The following PRAG1 variants were observed in gnomAD, a reference collection of about 807,000 sequenced individuals.
The protein encoded by PRAG1 is PEAK1 related, kinase-activating pseudokinase 1.
Under a neutral mutation model 95.6 loss-of-function variants are expected in PRAG1, and 110 were observed. The observed-to-expected ratio is 1.15, with a 90% CI of 0.99 to 1.35. The LOEUF is 1.35. PRAG1 is among the 40% of genes most tolerant of loss of function. The pLI, the probability that PRAG1 is intolerant of heterozygous loss-of-function variation, is 0.00. For missense variants in PRAG1, 2,554 were observed against 1,864.7 expected (o/e 1.37, Z -6.81); for synonymous variants, 1,052 against 819.4 (o/e 1.28, Z -4.85).
Position 8,386,417 on chromosome 8 carries a change from C to T in PRAG1, c.-184G>A, listed in dbSNP as rs10216498. The T allele has an allele frequency of 0.38, 57,891 of 151,744 alleles. 11,420 individuals are homozygous for T. Among genetic ancestry groups the T allele is most frequent in the East Asian group, 0.56 (2,875 of 5,126 alleles). The allele number at this position is 151,744 out of a possible 1,614,324, so 9.4% of individuals were successfully genotyped here. On this transcript the variant is annotated 5_prime_UTR_variant, in exon 1 of 6. Transcript: ENST00000615670. ...CAGAAGGTCTGCGCGCGGTGCGTGCCCGGCCGCGGGCGGGTGGCTTCTGCC... is the reference window on the plus strand; with the variant it reads ...CAGAAGGTCTGCGCGCGGTGCGTGCTCGGCCGCGGGCGGGTGGCTTCTGCC...
intron 3 of PRAG1, among the ~76,000 whole-genome samples, chr8:8,348,832 C>G (rs1799428341): frequency 6.6e-6 from 1 of 152,254 alleles, no homozygotes; most frequent in South Asian, 2.1e-4. Context: ...GTGAAATAGG[C>G]TTGTAACCGT....
chr8:8,321,852 A>T (rs1202036263), intron 5 of PRAG1, among the ~76,000 whole-genome samples: 1 of 152,222 alleles, frequency 6.6e-6, no homozygotes, highest in Non-Finnish European at 1.5e-5. Context: ...ATAAACACTG[A>T]ATTAGTGAAT....
At chr8:8,375,204 G>GT (rs746109244) in intron 3 of PRAG1, among the ~76,000 whole-genome samples, 2,245 of 94,372 alleles carry the variant, frequency 0.024, 36 homozygotes, top group African/African-American at 0.092. Flanking sequence ...TTTTTTCTTT[G>GT]TTTTTTTTTT....
Position 8,381,755 on chromosome 8 carries a change from C to A in PRAG1, c.-8G>T. On this transcript the variant is annotated 5_prime_UTR_variant, in exon 2 of 6. Transcript: ENST00000615670. The stretch of plus-strand genomic sequence containing the variant: ...GCAGAGGGTCTGGTGCATCTTGAGC[C>A]GACAGGGTGCTGGTTCATCTTGCGC... 1 of 1,565,480 alleles carries A rather than the reference C, an allele frequency of 6.4e-7. No individual in the cohort carries two copies. The highest frequency in any genetic ancestry group is 1.2e-5 in the South Asian group (1 of 83,796).
At chr8:8,370,472 A>G (rs577340778) in intron 3 of PRAG1, among the ~76,000 whole-genome samples, 5 of 152,344 alleles carry the variant, frequency 3.3e-5, no homozygotes, top group African/African-American at 7.2e-5. Flanking sequence ...AAGATTCTCT[A>G]AATACAGTGC....
At chr8:8,359,036 A>G (rs1799768452) in intron 3 of PRAG1, among the ~76,000 whole-genome samples, 1 of 152,252 alleles carries the variant, frequency 6.6e-6, no homozygotes, top group African/African-American at 2.4e-5. Flanking sequence ...ATCCTTTTAC[A>G]CTTAATGACT....
chr8:8,357,423 T>C, intron 3 of PRAG1, among the ~76,000 whole-genome samples: 1 of 152,122 alleles, frequency 6.6e-6, no homozygotes, highest in East Asian at 1.9e-4. Flanking sequence ...CAAGGGCCAG[T>C]AAGCACATAA....
At chr8:8,339,733 G>A (rs6998115) in intron 3 of PRAG1, 98 bp from the exon 4 acceptor site, 25 of 1,188,060 alleles carry the variant, frequency 2.1e-5, no homozygotes, top group African/African-American at 3.1e-5. Flanking sequence ...TTGAAACCTG[G>A]CCAATGTCAG....
intron 3 of PRAG1, among the ~76,000 whole-genome samples, chr8:8,346,906 G>A (rs1207975464): frequency 6.6e-6 from 1 of 152,150 alleles, no homozygotes; most frequent in African/African-American, 2.4e-5. Context: ...TGCAGTTTCA[G>A]ACTGGCTCTC....
chr8:8,377,660 C>T lies in PRAG1; in HGVS notation c.749G>A (p.Gly250Asp), dbSNP rs370874396. ...GTCCAGGATGGAGCAGTACTCTCCA[C>T]CCTCGCTGTCCCCGGAGGGCGAGCA... ...QRCSPSGDSE[G>D]GEYCSILDCC... The change falls in exon 3 of 6, where the codon GGT becomes GAT. Residue 250 changes from glycine to aspartate, a missense_variant. Gly to Asp is a moderately conservative substitution (Grantham distance 94). Coordinates refer to ENST00000615670, the MANE Select transcript of PRAG1 (RefSeq NM_001080826.3). 6 of 1,613,690 alleles carry T rather than the reference C, an allele frequency of 3.7e-6. No individual in the cohort carries two copies. Among genetic ancestry groups the T allele is most frequent in the African/African-American group, 1.3e-5 (1 of 74,936 alleles).
chr8:8,376,174 A>C lies in PRAG1; in HGVS notation c.2162+73T>G. 2.6e-6 allele frequency: 4 copies of C among 1,527,214 alleles called. No individual in the cohort carries two copies. In the South Asian group the frequency reaches 5.2e-5, roughly 20 times the overall value. The allele number at this position is 1,527,214 out of a possible 1,614,324, so 94.6% of individuals were successfully genotyped here. On this transcript the variant is annotated intron_variant, in intron 3 of 5. Coordinates refer to ENST00000615670, the MANE Select transcript of PRAG1 (RefSeq NM_001080826.3). Reference sequence around the variant, plus strand: ...CTGGGACCTGGGCCTGAAAGCTTTGATGAGGGCAAAGGTTTCTTCTGGAAG... The same window carrying C: ...CTGGGACCTGGGCCTGAAAGCTTTGCTGAGGGCAAAGGTTTCTTCTGGAAG...
At chr8:8,323,693 T>C (rs58525491) in intron 5 of PRAG1, among the ~76,000 whole-genome samples, 10,662 of 152,034 alleles carry the variant, frequency 0.07, 638 homozygotes, top group African/African-American at 0.16. Flanking sequence ...GCTTCCCCTT[T>C]CACCATGATT....
chr8:8,371,062 G>A (rs1800180285), intron 3 of PRAG1, among the ~76,000 whole-genome samples: 1 of 150,624 alleles, frequency 6.6e-6, no homozygotes, highest in African/African-American at 2.4e-5. Flanking sequence ...CTTGAACCCG[G>A]GAGGCGGAGG....
chr8:8,359,305 A>G (rs974169345), intron 3 of PRAG1, among the ~76,000 whole-genome samples: 1 of 152,234 alleles, frequency 6.6e-6, no homozygotes, highest in Non-Finnish European at 1.5e-5. Flanking sequence ...GATGGGTTTT[A>G]GTAAGAGTTG....
At chr8:8,336,879 T>TC (rs1798998957) in intron 4 of PRAG1, among the ~76,000 whole-genome samples, 1 of 138,792 alleles carries the variant, frequency 7.2e-6, no homozygotes, top group African/African-American at 2.8e-5. Context: ...AACTAAAACC[T>TC]TCCCCCCACT....
At chr8:8,326,414 C>T (rs1798639551) in intron 5 of PRAG1, among the ~76,000 whole-genome samples, 1 of 152,042 alleles carries the variant, frequency 6.6e-6, no homozygotes, top group Non-Finnish European at 1.5e-5. Flanking sequence ...TGTCTTAGGG[C>T]AGGTGATGAG....
At chr8:8,322,433 C>A (rs958288638) in intron 5 of PRAG1, among the ~76,000 whole-genome samples, 1 of 152,072 alleles carries the variant, frequency 6.6e-6, no homozygotes, top group Non-Finnish European at 1.5e-5. Context: ...CCAGCTTGGG[C>A]CATTTTAAAC....
intron 3 of PRAG1, among the ~76,000 whole-genome samples, chr8:8,351,402 AC>A (rs1799517877): frequency 6.6e-6 from 1 of 152,190 alleles, no homozygotes; most frequent in African/African-American, 2.4e-5. Flanking sequence ...TTAGGTGGGG[AC>A]ACAGATCCAA....
intron 3 of PRAG1, among the ~76,000 whole-genome samples, chr8:8,362,245 C>G (rs971444872): frequency 6.6e-6 from 1 of 152,224 alleles, no homozygotes; most frequent in Non-Finnish European, 1.5e-5. Context: ...CATGGAACCA[C>G]AGGTAGCACC....
Sources: gnomAD v4.1 joint callset for allele counts (sites outside exome capture counted in the v4.1 genomes callset) on GRCh38, gnomAD v4.1.1 for gene constraint, MANE v1.5 for transcripts, NCBI Gene and HGNC (gene_info 2026-07-23, HGNC 2026-07-21) for gene names.